Variants in EML6 observed in about 807,000 individuals in gnomAD.
The protein encoded by EML6 is EMAP like 6.
A neutral mutation model predicts 240.1 loss-of-function variants in EML6; 154 were observed. That is an observed-to-expected ratio of 0.64 (90% confidence interval 0.56 to 0.73). The LOEUF (loss-of-function observed/expected upper bound fraction) is 0.73, where lower values mean the gene tolerates loss of function less well. Ranked by LOEUF, EML6 falls within the 30% of genes least tolerant of loss-of-function variation. The pLI is 0.00. For synonymous variants in EML6, 1,148 were observed against 899.0 expected, an observed-to-expected ratio of 1.28 and a Z score of -4.95; for missense variants, 2,964 against 2,474.6, an observed-to-expected ratio of 1.20 and a Z score of -4.20.
intron 34 of EML6, 50 bp from the exon 35 acceptor site, chr2:54,960,167 AGTG>A: frequency 8.0e-7 from 1 of 1,242,980 alleles, no homozygotes; most frequent in East Asian, 2.6e-5. Context: ...CGGAGGGGGT[AGTG>A]GGTCTTAGGA....
chr2:54,947,782 CAG>C (rs1208784499), intron 28 of EML6, among the ~76,000 whole-genome samples: 1 of 152,206 alleles, frequency 6.6e-6, no homozygotes, highest in East Asian at 1.9e-4. Context: ...CGCTTTAGTG[CAG>C]AGTTTGCCCA....
In EML6 at chr2:54,774,292, G is replaced by C. The variant is rs915993344; in HGVS notation, c.198-38940G>C. Reference sequence around the variant, plus strand: ...CAGTAGTGATGGAAGGGAGGGCAGAGAGAGAAGTCAGGATACTATGCAGGC... The same window carrying C: ...CAGTAGTGATGGAAGGGAGGGCAGACAGAGAAGTCAGGATACTATGCAGGC... On this transcript the variant is annotated intron_variant, in intron 2 of 41. Transcript: ENST00000356458. The surrounding 1 kb of genome is among the most constrained non-coding windows in gnomAD (Gnocchi z 4.1). Among the ~76,000 whole-genome samples, 1 of 152,206 alleles carries C rather than the reference G, an allele frequency of 6.6e-6. No individual in the cohort carries two copies. The highest frequency in any genetic ancestry group is 6.5e-5 in the Admixed American group (1 of 15,288).
intron 7 of EML6, among the ~76,000 whole-genome samples, chr2:54,836,615 C>A (rs1429563909): frequency 6.6e-6 from 1 of 152,098 alleles, no homozygotes; most frequent in East Asian, 1.9e-4. Context: ...ACACTCTACA[C>A]ACAGGATCCC....
intron 18 of EML6, 78 bp from the exon 19 acceptor site, chr2:54,892,376 T>G: frequency 1.1e-6 from 1 of 898,196 alleles, no homozygotes; most frequent in Non-Finnish European, 1.7e-6. Context: ...ACCAGGTTTC[T>G]CATGGAAGTA....
intron 18 of EML6, among the ~76,000 whole-genome samples, chr2:54,891,910 C>A (rs2163617): frequency 6.6e-6 from 1 of 152,048 alleles, no homozygotes; most frequent in African/African-American, 2.4e-5. Flanking sequence ...TGGCTTGTCC[C>A]GTATACTACC....
intron 38 of EML6, among the ~76,000 whole-genome samples, chr2:54,966,301 G>A (rs972801792): frequency 5.3e-5 from 8 of 152,240 alleles, no homozygotes; most frequent in African/African-American, 1.7e-4. Flanking sequence ...CCAACAGAGA[G>A]GTGGGAACAT....
Position 54,968,232 on chromosome 2 carries a change from ATGACTTTGGGCTGGTGAAGCTCTT to A in EML6, c.5706_5729del (p.Gly1904_Phe1911del), listed in dbSNP as rs1315956984. On this transcript the variant is annotated inframe_deletion, in exon 40 of 42. Coordinates refer to ENST00000356458, the MANE Select transcript of EML6 (RefSeq NM_001039753.4). ...GCTGGCCTGAACATTGTCACAGGAG[ATGACTTTGGGCTGGTGAAGCTCTT>A]TGATTTTCCATGCACAGAAAAATTT... is the stretch of plus-strand genomic sequence containing the variant. 1.3e-6 allele frequency: 2 copies of A among 1,551,598 alleles called. No individual in the cohort carries two copies. The highest frequency in any genetic ancestry group is 2.0e-5 in the Admixed American group (1 of 50,984).
chr2:54,952,534 A>T (rs909280150), intron 30 of EML6, 60 bp from the exon 31 acceptor site: 3 of 1,045,528 alleles, frequency 2.9e-6, no homozygotes, highest in Non-Finnish European at 4.3e-6. Flanking sequence ...GATGTTTTGA[A>T]GTTGCCCTAA....
At chr2:54,947,232 GAAGA>G (rs1277800916) in intron 28 of EML6, among the ~76,000 whole-genome samples, 1 of 152,174 alleles carries the variant, frequency 6.6e-6, no homozygotes, top group Non-Finnish European at 1.5e-5. Flanking sequence ...CACTAAAACA[GAAGA>G]AAGAGCAGAT....
intron 16 of EML6, among the ~76,000 whole-genome samples, chr2:54,874,555 T>C (rs1003001800): frequency 6.6e-6 from 1 of 152,250 alleles, no homozygotes; most frequent in Non-Finnish European, 1.5e-5. Flanking sequence ...CTTTTTGTCT[T>C]ACAGGTTAAG....
chr2:54,853,433 A>G (rs1670199306), intron 10 of EML6, among the ~76,000 whole-genome samples: 1 of 92,784 alleles, frequency 1.1e-5, no homozygotes, highest in African/African-American at 6.4e-5. Context: ...TCACCTGAAT[A>G]TTTCATCATT....
intron 7 of EML6, among the ~76,000 whole-genome samples, chr2:54,834,117 G>A (rs1265622350): frequency 6.6e-6 from 1 of 152,088 alleles, no homozygotes; most frequent in Non-Finnish European, 1.5e-5. Flanking sequence ...GGAATTTTCA[G>A]GCTGGGAGAC....
chr2:54,801,274 C>G (rs1670127764), intron 2 of EML6, among the ~76,000 whole-genome samples: 2 of 151,060 alleles, frequency 1.3e-5, no homozygotes, highest in South Asian at 4.2e-4. Flanking sequence ...GAGATCTCAC[C>G]ACTGCATTCC....
At chr2:54,832,410 C>T (rs1668918469) in intron 7 of EML6, among the ~76,000 whole-genome samples, 1 of 152,196 alleles carries the variant, frequency 6.6e-6, no homozygotes, top group Non-Finnish European at 1.5e-5. Context: ...CTCTCAGAAC[C>T]GGCCCTCCTG....
chr2:54,815,859 C>G (rs1002464802), intron 3 of EML6, among the ~76,000 whole-genome samples: 4 of 152,150 alleles, frequency 2.6e-5, no homozygotes, highest in African/African-American at 9.7e-5. Flanking sequence ...CTCGAATGTA[C>G]TCAGTACTCA....
chr2:54,736,428 G>T (rs1683394004), intron 2 of EML6, among the ~76,000 whole-genome samples: 1 of 152,138 alleles, frequency 6.6e-6, no homozygotes, highest in South Asian at 2.1e-4. Context: ...GTGACTTTGG[G>T]CATGGCAGTT....
intron 2 of EML6, among the ~76,000 whole-genome samples, chr2:54,732,081 A>G (rs1390938155): frequency 1.3e-5 from 2 of 152,150 alleles, no homozygotes; most frequent in Non-Finnish European, 2.9e-5. Context: ...CTTTTCATAA[A>G]CTTACTAGCC....
At chr2:54,723,928 T>A (rs1682794756) in intron 1 of EML6, among the ~76,000 whole-genome samples, 151 bp downstream of exon 1, 1 of 151,904 alleles carries the variant, frequency 6.6e-6, no homozygotes, top group South Asian at 2.1e-4. Flanking sequence ...CCGGGACGTG[T>A]GCGTCTGTGG....
rs1478470516 is a variant in EML6 at position 54,911,012 on chromosome 2, A to T, written c.3468A>T (p.Arg1156Ser). 1.3e-6 allele frequency: 2 copies of T among 1,539,742 alleles called. No individual in the cohort carries two copies. The highest frequency in any genetic ancestry group is 1.8e-6 in the Non-Finnish European group (2 of 1,137,950). The part of the protein sequence containing the change: ...AREQLFFEAP[R>S]GKRHIIRPSE... ...AACAACTTTTTTTTGAAGCTCCAAGAGGCAAACGGCATATAATAAGACCTT... is the reference window on the plus strand; with the variant it reads ...AACAACTTTTTTTTGAAGCTCCAAGTGGCAAACGGCATATAATAAGACCTT... The change falls in exon 25 of 42, where the codon AGA (arginine) becomes AGT (serine). Residue 1156 changes from arginine to serine, a missense_variant. Coordinates refer to ENST00000356458, the MANE Select transcript of EML6 (RefSeq NM_001039753.4).
Sources: gnomAD v4.1 joint callset for allele counts (sites outside exome capture counted in the v4.1 genomes callset) on GRCh38, gnomAD v4.1.1 for gene constraint, Gnocchi (gnomAD v3.1) non-coding constraint, MANE v1.5 for transcripts, NCBI Gene and HGNC (gene_info 2026-07-23, HGNC 2026-07-21) for gene names.